Variants in TMEM182 observed in about 807,000 individuals in gnomAD.
TMEM182 encodes the protein transmembrane protein 182.
TMEM182 carries 20 observed loss-of-function variants against 26.8 expected under a neutral mutation model. The observed-to-expected ratio is 0.75, with a 90% CI of 0.53 to 1.09. The LOEUF (loss-of-function observed/expected upper bound fraction) is 1.09, where lower values mean the gene tolerates loss of function less well. TMEM182 is among the 50% of genes least tolerant of loss of function. The pLI, the probability that TMEM182 is intolerant of heterozygous loss-of-function variation, is 0.00. For missense variants in TMEM182, 277 were observed against 275.5 expected, an observed-to-expected ratio of 1.01 and a Z score of -0.04; for synonymous variants, 109 against 102.2, an observed-to-expected ratio of 1.07 and a Z score of -0.40.
chr2:102,749,388 C>G lies in TMEM182; in HGVS notation c.-82-9001C>G, dbSNP rs575093266. 2.0e-5 allele frequency among the ~76,000 whole-genome samples: 3 copies of G among 152,168 alleles called. No homozygotes were observed. In the East Asian group the frequency reaches 5.8e-4, roughly 29 times the overall value. ...TGAAATACATGGAATAGGCAAATAC[C>G]TAGAAACAGAAGCTAGATTAGTGGT... is the stretch of plus-strand genomic sequence containing the variant. On this transcript the variant is annotated intron_variant, in intron 1 of 5. Coordinates refer to the TMEM182 transcript ENST00000409173.
chr2:102,795,845 A>T (rs1215999965), intron 3 of TMEM182, among the ~76,000 whole-genome samples: 1 of 152,124 alleles, frequency 6.6e-6, no homozygotes, highest in African/African-American at 2.4e-5. Flanking sequence ...GCGCTGTGGC[A>T]CAGTTCCATG....
chr2:102,828,246 A>G (rs2104772975), intron 3 of TMEM182, among the ~76,000 whole-genome samples: 1 of 152,300 alleles, frequency 6.6e-6, no homozygotes, highest in Admixed American at 6.5e-5. Context: ...TGGTCAAAGG[A>G]TGTGAACTGT....
At position 102,797,853 on chromosome 2, in the gene TMEM182, G is replaced by A; in HGVS notation, c.332-10G>A. The A allele has an allele frequency of 3.1e-6, 5 of 1,605,252 alleles. No individual in the cohort carries two copies. The African/African-American group carries it at 5.4e-5, about 17-fold the overall frequency. On this transcript the variant is annotated splice_polypyrimidine_tract_variant and intron_variant, in intron 3 of 4. Transcript: ENST00000412401. The stretch of plus-strand genomic sequence containing the variant: ...TTCTTTCTTTTCTCTTTTCCTCCTG[G>A]GGTCTCCAGTTTACCGTGGTTTCTG...
chr2:102,791,377 G>A (rs895208332), intron 3 of TMEM182, among the ~76,000 whole-genome samples: 23 of 152,326 alleles, frequency 1.5e-4, no homozygotes, highest in African/African-American at 4.1e-4. Flanking sequence ...ACTTTTAGCT[G>A]ATGATTTTCA....
At chr2:102,789,115 A>G (rs1229768867) in intron 3 of TMEM182, among the ~76,000 whole-genome samples, 1 of 152,182 alleles carries the variant, frequency 6.6e-6, no homozygotes. Context: ...GGTGGGGGGT[A>G]GTGGCGTGTT....
intron 1 of TMEM182, among the ~76,000 whole-genome samples, chr2:102,754,273 A>G (rs1437213979): frequency 6.6e-6 from 1 of 152,186 alleles, no homozygotes; most frequent in East Asian, 1.9e-4. Flanking sequence ...TATACTGTGC[A>G]TTACCTAACA....
intron 4 of TMEM182, among the ~76,000 whole-genome samples, chr2:102,799,411 C>T (rs764473629): frequency 6.6e-6 from 1 of 152,068 alleles, no homozygotes; most frequent in Non-Finnish European, 1.5e-5. Context: ...CAGAAGGTTC[C>T]CTGAAAAATC....
chr2:102,816,094 T>C lies in TMEM182; in HGVS notation c.*1126T>C, dbSNP rs1573568537. 2 of 985,406 alleles carry C rather than the reference T, an allele frequency of 2.0e-6. No homozygotes were observed. Among genetic ancestry groups the C allele is most frequent in the African/African-American group, 3.5e-5 (2 of 57,358 alleles). The allele number at this position is 985,406 out of a possible 1,614,324, so 61.0% of individuals were successfully genotyped here. ...AGAAAGTTTTTGTGGGGAAAGATGATTCTGTATTATTCAGTAGCATAGACA... is the reference window on the plus strand; with the variant it reads ...AGAAAGTTTTTGTGGGGAAAGATGACTCTGTATTATTCAGTAGCATAGACA... On this transcript the variant is annotated 3_prime_UTR_variant, in exon 5 of 5. Coordinates refer to ENST00000412401, the MANE Select transcript of TMEM182 (RefSeq NM_144632.5).
At chr2:102,797,293 A>AT (rs1681910178) in intron 3 of TMEM182, among the ~76,000 whole-genome samples, 2 of 152,130 alleles carry the variant, frequency 1.3e-5, no homozygotes, top group African/African-American at 4.8e-5. Context: ...TTTGCTTGTC[A>AT]TTTTTTATTG....
chr2:102,767,724 C>A (rs1172711259), intron 3 of TMEM182, among the ~76,000 whole-genome samples: 1 of 152,122 alleles, frequency 6.6e-6, no homozygotes, highest in Non-Finnish European at 1.5e-5. Context: ...ATTACAGTTA[C>A]TATTTTCTGC....
chr2:102,774,166 C>T (rs1178745830), intron 3 of TMEM182, among the ~76,000 whole-genome samples: 3 of 151,102 alleles, frequency 2.0e-5, no homozygotes, highest in Non-Finnish European at 2.9e-5. Context: ...TTCCAAACAT[C>T]ATATACTTTC....
At chr2:102,781,948 A>T (rs182008154) in intron 3 of TMEM182, among the ~76,000 whole-genome samples, 11 of 152,180 alleles carry the variant, frequency 7.2e-5, no homozygotes, top group Admixed American at 5.2e-4. Context: ...GCTCAAAGGC[A>T]CCATAGTAAT....
chr2:102,791,260 G>T (rs1454140190), intron 3 of TMEM182, among the ~76,000 whole-genome samples: 2 of 152,118 alleles, frequency 1.3e-5, no homozygotes, highest in African/African-American at 4.8e-5. Flanking sequence ...ATAAACAACA[G>T]AATACTTCTC....
intron 3 of TMEM182, among the ~76,000 whole-genome samples, chr2:102,835,383 G>A (rs1018019998): frequency 1.3e-5 from 2 of 152,104 alleles, no homozygotes; most frequent in African/African-American, 2.4e-5. Flanking sequence ...CTGCCCACAC[G>A]CAGGCACAGC....
chr2:102,798,386 C>T (rs191164731), intron 4 of TMEM182, among the ~76,000 whole-genome samples: 10 of 152,206 alleles, frequency 6.6e-5, no homozygotes, highest in Middle Eastern at 3.4e-3. Context: ...AAATGGGGAT[C>T]GTAACATAAG....
chr2:102,777,805 G>C (rs1169631746), intron 3 of TMEM182, among the ~76,000 whole-genome samples: 1 of 145,888 alleles, frequency 6.9e-6, no homozygotes, highest in Non-Finnish European at 1.5e-5. Context: ...TTATTGCACA[G>C]ACTATGACTT....
chr2:102,833,687 A>G (rs181403404), intron 3 of TMEM182, among the ~76,000 whole-genome samples: 2 of 152,284 alleles, frequency 1.3e-5, no homozygotes, highest in African/African-American at 2.4e-5. Context: ...TTTAGTTGCA[A>G]TGTCTCCTTA....
upstream of TMEM182, among the ~76,000 whole-genome samples, chr2:102,760,818 G>A (rs185285184): frequency 1.3e-5 from 2 of 152,134 alleles, no homozygotes; most frequent in East Asian, 3.9e-4. Flanking sequence ...GTTTCACCAT[G>A]TTGGCTAGGC....
At chr2:102,753,201 C>CT (rs1553436424) in intron 1 of TMEM182, among the ~76,000 whole-genome samples, 3 of 81,594 alleles carry the variant, frequency 3.7e-5, no homozygotes, top group South Asian at 4.0e-4. Context: ...GCTTCCCCCC[C>CT]CCACTGCCTT....
Sources: gnomAD v4.1 joint callset for allele counts (sites outside exome capture counted in the v4.1 genomes callset) on GRCh38, gnomAD v4.1.1 for gene constraint, MANE v1.5 for transcripts, NCBI Gene and HGNC (gene_info 2026-07-23, HGNC 2026-07-21) for gene names.